Variants in PRKN observed in about 807,000 individuals in gnomAD.
PRKN encodes E3 ubiquitin-protein ligase parkin.
PRKN carries 56 observed loss-of-function variants against 59.5 expected under a neutral mutation model. The ratio of observed to expected loss-of-function variants is 0.94; its 90% CI spans 0.76 to 1.18. PRKN has a LOEUF of 1.18. PRKN is among the 50% of genes most tolerant of loss of function. The pLI is 0.00. For missense variants in PRKN, 657 were observed against 596.4 expected, an observed-to-expected ratio of 1.10 and a Z score of -1.06; for synonymous variants, 250 against 222.1, an observed-to-expected ratio of 1.13 and a Z score of -1.12.
At chr6:162,200,571 C>T (rs745466481) in intron 4 of PRKN, among the ~76,000 whole-genome samples, 2 of 152,144 alleles carry the variant, frequency 1.3e-5, no homozygotes, top group South Asian at 2.1e-4. Context: ...ACCAACTTTG[C>T]GTCAGGGGCT....
intron 6 of PRKN, among the ~76,000 whole-genome samples, chr6:161,901,398 G>T (rs865863763): frequency 1.3e-5 from 2 of 152,140 alleles, no homozygotes; most frequent in Non-Finnish European, 2.9e-5. Context: ...TAGGGCAGAG[G>T]ATGGGCAGGC....
At chr6:161,876,338 G>C (rs1409507499) in intron 6 of PRKN, among the ~76,000 whole-genome samples, 4 of 152,054 alleles carry the variant, frequency 2.6e-5, no homozygotes, top group Admixed American at 2.6e-4. Context: ...TTGACACAGA[G>C]TCTTGCTATG....
rs3066554 is a variant in PRKN at position 161,678,216 on chromosome 6, C to CTTTTTTT, written c.871+107549_871+107555dup. 8.2e-3 allele frequency among the ~76,000 whole-genome samples: 532 copies of CTTTTTTT among 64,944 alleles called. 89 individuals are homozygous for CTTTTTTT. The highest frequency in any genetic ancestry group is 0.022 in the African/African-American group (281 of 12,688). The allele number at this position is 64,944 out of a possible 152,430, so 42.6% of individuals were successfully genotyped here. A position where few individuals can be genotyped will look rare whatever the true frequency, so the allele number is the denominator to read the frequency against. ...TTATGGTAATAACAATACTGAATCA[C>CTTTTTTT]TTTTTTTTTTTTTTTTTTTTTTTTT... On this transcript the variant is annotated intron_variant, in intron 7 of 11. Coordinates refer to ENST00000366898, the MANE Select transcript of PRKN (RefSeq NM_004562.3).
chr6:161,724,866 G>T (rs530323698), intron 7 of PRKN, among the ~76,000 whole-genome samples: 11 of 152,142 alleles, frequency 7.2e-5, no homozygotes, highest in Non-Finnish European at 1.6e-4. Flanking sequence ...GCTGGAGATG[G>T]GGCCTGGTAG....
intron 2 of PRKN, among the ~76,000 whole-genome samples, chr6:162,311,168 G>T (rs35073366): frequency 0.03 from 4,532 of 152,192 alleles, 114 homozygotes; most frequent in Middle Eastern, 0.044. Context: ...TGTTATAGTG[G>T]TTTGAAAGAT....
intron 4 of PRKN, among the ~76,000 whole-genome samples, chr6:162,105,245 C>T (rs1321874049): frequency 2.0e-5 from 3 of 152,088 alleles, no homozygotes; most frequent in Non-Finnish European, 4.4e-5. Flanking sequence ...TTCACCTTCT[C>T]AATAGTAGTG....
intron 6 of PRKN, among the ~76,000 whole-genome samples, chr6:161,840,651 T>A (rs1452927993): frequency 6.6e-6 from 1 of 152,072 alleles, no homozygotes; most frequent in Non-Finnish European, 1.5e-5. Context: ...CTCCAGTGTA[T>A]GTGTCCATGT....
At chr6:162,557,949 A>G (rs1367540324) in intron 1 of PRKN, among the ~76,000 whole-genome samples, 2 of 152,224 alleles carry the variant, frequency 1.3e-5, no homozygotes, top group Non-Finnish European at 2.9e-5. Context: ...TCATGGGGGA[A>G]GCTTCAAGAG....
At chr6:162,725,012 G>A (rs910674925) in intron 1 of PRKN, among the ~76,000 whole-genome samples, 3 of 152,142 alleles carry the variant, frequency 2.0e-5, no homozygotes, top group South Asian at 2.1e-4. Context: ...CTGCTTTCAC[G>A]CCACTGTAAG....
chr6:162,560,627 G>T (rs1296688981), intron 1 of PRKN, among the ~76,000 whole-genome samples: 4 of 152,110 alleles, frequency 2.6e-5, no homozygotes, highest in African/African-American at 9.6e-5. Flanking sequence ...CCCTTCTGGT[G>T]TCCTTTTCAT....
chr6:161,737,879 G>T (rs1451211519), intron 7 of PRKN, among the ~76,000 whole-genome samples: 1 of 152,198 alleles, frequency 6.6e-6, no homozygotes, highest in Non-Finnish European at 1.5e-5. Flanking sequence ...AGAACACTCT[G>T]CATTACATCC....
rs1213798663 is a variant in PRKN, at chr6:161,989,454, G to A, written c.619-16037C>T. Among the ~76,000 whole-genome samples, 4 of 152,120 alleles carry A rather than the reference G, an allele frequency of 2.6e-5. No homozygotes were observed. In the East Asian group the frequency reaches 7.7e-4, roughly 29 times the overall value. Reference sequence around the variant, plus strand: ...CATACCTGTTGCCACTGGCAACTGTGTATGATTGCAGGGCCTGTCAACAGG... The same window carrying A: ...CATACCTGTTGCCACTGGCAACTGTATATGATTGCAGGGCCTGTCAACAGG... On this transcript the variant is annotated intron_variant, in intron 5 of 11. Coordinates refer to ENST00000366898, the MANE Select transcript of PRKN (RefSeq NM_004562.3).
intron 6 of PRKN, among the ~76,000 whole-genome samples, chr6:161,857,884 C>A (rs9347545): frequency 0.42 from 64,288 of 152,002 alleles, 14,078 homozygotes; most frequent in East Asian, 0.69. Flanking sequence ...TCACTCATGA[C>A]CTTAACAGCC....
In PRKN at chr6:161,457,609, T is replaced by C. The variant is rs1790030106; in HGVS notation, c.1084-70732A>G. On this transcript the variant is annotated intron_variant, in intron 9 of 11. Coordinates refer to ENST00000366898, the MANE Select transcript of PRKN (RefSeq NM_004562.3). The surrounding 1 kb of genome is among the most constrained non-coding windows in gnomAD (Gnocchi z 5.0). ...ATGGATGCATGAATGAATTAATGAA[T>C]GCTCTGTGATCTGAGGGCTGAAGAT... Among the ~76,000 whole-genome samples the C allele has an allele frequency of 6.6e-6, 1 of 152,220 alleles. No homozygotes were observed. The highest frequency in any genetic ancestry group is 2.1e-4 in the South Asian group (1 of 4,834).
chr6:161,703,839 CTTTTTTTTTTTTTTTTT>C (rs71004062), intron 7 of PRKN, among the ~76,000 whole-genome samples: 30 of 59,856 alleles, frequency 5.0e-4, no homozygotes, highest in East Asian at 2.8e-3. Context: ...CTCTCTCTCT[CTTTTTTTTTTTTTTTTT>C]TTTTTTTTTT....
chr6:162,015,438 C>A (rs1299986015), intron 5 of PRKN, among the ~76,000 whole-genome samples: 1 of 152,116 alleles, frequency 6.6e-6, no homozygotes, highest in Non-Finnish European at 1.5e-5. Flanking sequence ...AGCTTTCAGG[C>A]AGAAGCGCAG....
At chr6:161,469,621 T>C (rs1352061024) in intron 9 of PRKN, among the ~76,000 whole-genome samples, 1 of 151,916 alleles carries the variant, frequency 6.6e-6, no homozygotes, top group Non-Finnish European at 1.5e-5. Context: ...TGAAGGTTAC[T>C]TTGCTGGTTT....
chr6:161,771,366 A>AT (rs200952330), intron 7 of PRKN, among the ~76,000 whole-genome samples: 21,704 of 118,948 alleles, frequency 0.18, 2,908 homozygotes, highest in South Asian at 0.28. Flanking sequence ...AAAAAAAAAA[A>AT]AAAAATAAAA....
chr6:162,400,666 CTG>C (rs1047330988), intron 2 of PRKN, among the ~76,000 whole-genome samples: 1 of 152,052 alleles, frequency 6.6e-6, no homozygotes, highest in Non-Finnish European at 1.5e-5. Flanking sequence ...TTTGTCCTGA[CTG>C]TAAAACAACA....
Sources: gnomAD v4.1 joint callset for allele counts (sites outside exome capture counted in the v4.1 genomes callset) on GRCh38, gnomAD v4.1.1 for gene constraint, Gnocchi (gnomAD v3.1) non-coding constraint, MANE v1.5 for transcripts, NCBI Gene and HGNC (gene_info 2026-07-23, HGNC 2026-07-21) for gene names.